The following LSM4 variants were observed in gnomAD, a reference collection of about 807,000 sequenced individuals.
LSM4 encodes the protein LSM4 homolog, U6 small nuclear RNA and mRNA degradation associated, also known as U6 snRNA-associated Sm-like protein LSm4.
Under a neutral mutation model 22.3 loss-of-function variants are expected in LSM4, and 15 were observed. The ratio of observed to expected loss-of-function variants is 0.67; its 90% CI spans 0.45 to 1.03. LSM4 has a LOEUF of 1.03. LSM4 is among the 50% of genes least tolerant of loss of function. LSM4 has a pLI of 0.00. For synonymous variants in LSM4, 90 were observed against 79.8 expected (o/e 1.13, Z -0.68); for missense variants, 127 against 198.0 (o/e 0.64, Z 2.15).
chr19:18,314,570 G>A (rs1347323451), intron 2 of LSM4, among the ~76,000 whole-genome samples: 1 of 151,994 alleles, frequency 6.6e-6, no homozygotes, highest in Non-Finnish European at 1.5e-5. Context: ...TGGCTATAAG[G>A]AATGAGGCAC....
chr19:18,310,026 G>A, intron 3 of LSM4, 165 bp from the exon 4 acceptor site: 1 of 648,544 alleles, frequency 1.5e-6, no homozygotes, highest in Middle Eastern at 4.1e-4. Context: ...CCACCCTGCA[G>A]GCAGGATCTG....
In LSM4 at chr19:18,307,521, C is replaced by T. The variant is rs1036482616; in HGVS notation, c.363G>A (p.Pro121=). The change falls in exon 5 of 5, where the codon CCG becomes CCA. Residue 121 remains proline (P), a synonymous_variant. Coordinates refer to ENST00000593829, the MANE Select transcript of LSM4 (RefSeq NM_012321.5). ...VFGGRGRGGI[P]GTGRGQPEKK... ...TCTCTGGCTGGCCTCTGCCTGTGCC[C>T]GGGATCCCACCTCGGCCCCGGCCAC... is the stretch of plus-strand genomic sequence containing the variant. 61 of 1,553,548 alleles carry T rather than the reference C, an allele frequency of 3.9e-5. No homozygotes were observed. Among genetic ancestry groups the T allele is most frequent in the Non-Finnish European group, 5.2e-5 (60 of 1,149,636 alleles).
intron 3 of LSM4, among the ~76,000 whole-genome samples, chr19:18,310,880 G>T (rs16982307): frequency 6.6e-6 from 1 of 152,128 alleles, no homozygotes; most frequent in African/African-American, 2.4e-5. Flanking sequence ...TTCTGTTTCC[G>T]GAACACACGC....
chr19:18,312,506 C>T lies in LSM4; in HGVS notation c.144+98G>A. ...GGAAGGACGAGCAGTCCTAGGCGGC[C>T]TCCCCCACTGACTCCTCCCATGAGG... On this transcript the variant is annotated intron_variant, in intron 3 of 4. Transcript: ENST00000593829. 4.8e-6 allele frequency: 5 copies of T among 1,033,246 alleles called. No homozygotes were observed. In the South Asian group the frequency reaches 6.8e-5, roughly 14 times the overall value. The allele number at this position is 1,033,246 out of a possible 1,614,324, so 64.0% of individuals were successfully genotyped here.
chr19:18,309,902 C>A, intron 3 of LSM4, 41 bp from the exon 4 acceptor site: 1 of 1,596,630 alleles, frequency 6.3e-7, no homozygotes, highest in Non-Finnish European at 8.5e-7. Flanking sequence ...ACCACCGGGC[C>A]GTCTGGCCCA....
At chr19:18,317,514 T>C (rs1970369795) in intron 1 of LSM4, among the ~76,000 whole-genome samples, 1 of 151,722 alleles carries the variant, frequency 6.6e-6, no homozygotes, top group African/African-American at 2.4e-5. Context: ...TTTTTATTTT[T>C]ATTTTTGTAT....
At chr19:18,312,477 C>T (rs952060982) in intron 3 of LSM4, 127 bp downstream of exon 3, 1 of 756,120 alleles carries the variant, frequency 1.3e-6, no homozygotes, top group African/African-American at 1.7e-5. Context: ...CCTGACTGAC[C>T]CCTGGAAGGA....
intron 2 of LSM4, among the ~76,000 whole-genome samples, chr19:18,313,235 A>G (rs1475694889): frequency 6.6e-6 from 1 of 152,182 alleles, no homozygotes; most frequent in Non-Finnish European, 1.5e-5. Context: ...ACAGAGTGCC[A>G]CTTGGTCTTA....
At chr19:18,322,859 T>G (rs1020719053) in intron 1 of LSM4, among the ~76,000 whole-genome samples, 159 bp downstream of exon 1, 1 of 152,064 alleles carries the variant, frequency 6.6e-6, no homozygotes, top group Non-Finnish European at 1.5e-5. Flanking sequence ...ACCTGCAGTC[T>G]CCGGCCTCAG....
rs761797689 is a variant in LSM4 at position 18,323,058 on chromosome 19, C to T, written c.-38G>A. 12 of 1,517,688 alleles carry T rather than the reference C, an allele frequency of 7.9e-6. No individual in the cohort carries two copies. Among genetic ancestry groups the T allele is most frequent in the Non-Finnish European group, 9.6e-6 (11 of 1,140,814 alleles). 94.0% of individuals were successfully genotyped at this position (1,517,688 alleles called of 1,614,324 possible). ...GACCGGGCTCGCCGGCCACTTCCGC[C>T]GCCGCCGCTGCACACGCTCCCGGCG... is the stretch of plus-strand genomic sequence containing the variant. On this transcript the variant is annotated 5_prime_UTR_variant, in exon 1 of 5. Transcript: ENST00000593829.
At position 18,314,571 on chromosome 19, in the gene LSM4, A is replaced by C. The variant is rs1224248964; in HGVS notation, c.45+1453T>G. Among the ~76,000 whole-genome samples the C allele has an allele frequency of 2.6e-5, 4 of 151,934 alleles. No individual in the cohort carries two copies. In the East Asian group the frequency reaches 7.7e-4, roughly 29 times the overall value. ...CACGGAGTATCGTCTGGCTATAAGG[A>C]ATGAGGCACTGACACAGGCCACAGG... is the stretch of plus-strand genomic sequence containing the variant. On this transcript the variant is annotated intron_variant, in intron 2 of 4. Transcript: ENST00000593829.
chr19:18,312,578 C>A (rs768365493), intron 3 of LSM4, 26 bp downstream of exon 3: 1 of 1,597,422 alleles, frequency 6.3e-7, no homozygotes, highest in East Asian at 2.2e-5. Flanking sequence ...CTGCATCCCA[C>A]CCCCGTTGGT....
At chr19:18,311,502 T>C (rs937549786) in intron 3 of LSM4, among the ~76,000 whole-genome samples, 4 of 152,204 alleles carry the variant, frequency 2.6e-5, no homozygotes, top group African/African-American at 9.6e-5. Flanking sequence ...AGGCTTCTCA[T>C]GTCTAGGACC....
At chr19:18,312,854 C>G (rs79405945) in intron 2 of LSM4, 152 bp from the exon 3 acceptor site, 6,383 of 625,800 alleles carry the variant, frequency 0.01, 303 homozygotes, top group African/African-American at 0.1. Flanking sequence ...TTACAGGCGA[C>G]AGGCTCTGCC....
chr19:18,307,789 G>C (rs1308707775), intron 4 of LSM4, among the ~76,000 whole-genome samples: 2 of 10,814 alleles, frequency 1.8e-4, no homozygotes, highest in South Asian at 5.7e-3. Context: ...AGGGATGCGG[G>C]GGGGGGGGAC....
chr19:18,322,872 TC>T, intron 1 of LSM4, 145 bp downstream of exon 1: 1 of 1,242,812 alleles, frequency 8.0e-7, no homozygotes, highest in East Asian at 2.6e-5. Context: ...GGCCTCAGTT[TC>T]CCAGCCTCGT....
intron 1 of LSM4, among the ~76,000 whole-genome samples, chr19:18,317,549 G>A (rs556511536): frequency 4.0e-5 from 6 of 151,874 alleles, no homozygotes; most frequent in South Asian, 2.1e-4. Flanking sequence ...GGGTTTCACC[G>A]TGTTAGCCAG....
chr19:18,320,513 A>T (rs1234399983), intron 1 of LSM4, among the ~76,000 whole-genome samples: 1 of 152,008 alleles, frequency 6.6e-6, no homozygotes, highest in Non-Finnish European at 1.5e-5. Flanking sequence ...AAAAACAAAA[A>T]AAGTCTAGAG....
chr19:18,317,963 G>T (rs192102866), intron 1 of LSM4, among the ~76,000 whole-genome samples: 6 of 152,298 alleles, frequency 3.9e-5, no homozygotes, highest in Non-Finnish European at 8.8e-5. Flanking sequence ...GAGCTGCCTC[G>T]GGTAACGCAG....
Sources: allele counts gnomAD v4.1 joint callset (sites outside exome capture counted in the v4.1 genomes callset), GRCh38; gene constraint gnomAD v4.1.1; transcripts MANE v1.5; gene names NCBI Gene and HGNC (gene_info 2026-07-23, HGNC 2026-07-21).